NIT1: variants seen among roughly 807,000 people sequenced by gnomAD.
NIT1 encodes nitrilase 1, also known as deaminated glutathione amidase.
Under a neutral mutation model 36.8 loss-of-function variants are expected in NIT1, and 30 were observed. The observed-to-expected ratio is 0.82, with a 90% confidence interval of 0.61 to 1.11. The LOEUF is 1.11. Ranked by LOEUF, NIT1 falls within the 50% of genes least tolerant of loss-of-function variation. The pLI is 0.00. For synonymous variants in NIT1, 151 were observed against 155.6 expected (o/e 0.97, Z 0.22); for missense variants, 438 against 410.6 (o/e 1.07, Z -0.58).
chr1:161,124,751 CA>C (rs1459831334), downstream of NIT1: 1 of 406,576 alleles, frequency 2.5e-6, no homozygotes, highest in East Asian at 5.4e-5. Flanking sequence ...CACTTGAGCC[CA>C]GGCGTTTAAG....
downstream of NIT1, chr1:161,123,758 A>C (rs1655832675): frequency 1.6e-6 from 2 of 1,285,474 alleles, no homozygotes; most frequent in African/African-American, 1.5e-5. Context: ...CTTTCATTTA[A>C]GCTGGCAAAG....
chr1:161,119,853 G>A lies in NIT1; in HGVS notation c.492G>A (p.Leu164=). The A allele has an allele frequency of 6.2e-7, 1 of 1,611,952 alleles. No homozygotes were observed. The highest frequency in any genetic ancestry group is 8.5e-7 in the Non-Finnish European group (1 of 1,179,098). Residue 164 remains leucine, a synonymous_variant, in exon 5 of 7, where the codon CTG becomes CTA. Transcript: ENST00000368009. The part of the protein sequence containing the change: ...AVVATYRKTH[L]CDVEIPGQGP... ...TGGCCACTTACAGGAAGACACATCTGTGTGACGTAGAGATTCCAGGGCAGG... is the reference window on the plus strand; with the variant it reads ...TGGCCACTTACAGGAAGACACATCTATGTGACGTAGAGATTCCAGGGCAGG...
rs746101682 is a variant in NIT1 at position 161,119,168 on chromosome 1, G to A, written c.133G>A (p.Glu45Lys). ...RAMAISSSSC[E>K]LPLVAVCQVT... is the part of the protein sequence containing the mutation. ...CATGGCTATCTCCTCTTCCTCCTGC[G>A]AACTGCCCCTGGTGGCTGTGTGCCA... Residue 45 changes from glutamate to lysine, a missense_variant, in exon 3 of 7, where the codon GAA (glutamate) becomes AAA (lysine). Coordinates refer to ENST00000368009, the MANE Select transcript of NIT1 (RefSeq NM_005600.3). The A allele has an allele frequency of 4.3e-6, 7 of 1,613,998 alleles. No homozygotes were observed. The East Asian group carries it at 1.1e-4, about 26-fold the overall frequency.
chr1:161,118,193 C>G lies in NIT1; in HGVS notation c.2+15C>G, dbSNP rs765488354. On this transcript the variant is annotated intron_variant, in intron 1 of 6. Coordinates refer to ENST00000368009, the MANE Select transcript of NIT1 (RefSeq NM_005600.3). Reference sequence around the variant, plus strand: ...TATATCTTCATGTAGGACCTACTCCCTATCCCGTCGGCCGCGGTGAATCCC... The same window carrying G: ...TATATCTTCATGTAGGACCTACTCCGTATCCCGTCGGCCGCGGTGAATCCC... 6.2e-7 allele frequency: 1 copy of G among 1,614,062 alleles called. No individual in the cohort carries two copies. The highest frequency in any genetic ancestry group is 8.5e-7 in the Non-Finnish European group (1 of 1,179,944).
intron 4 of NIT1, 92 bp downstream of exon 4, chr1:161,119,704 A>T (rs1655227306): frequency 1.3e-6 from 2 of 1,586,682 alleles, no homozygotes; most frequent in African/African-American, 2.7e-5. Context: ...TCCTTGACCC[A>T]AGGATTTAGG....
At chr1:161,123,183 C>T (rs755497175), downstream of NIT1, 1 of 1,614,150 alleles carries the variant, frequency 6.2e-7, no homozygotes, top group South Asian at 1.1e-5. Context: ...ATCTGAGGAC[C>T]CGAAGTGGGG....
intron 4 of NIT1, 95 bp from the exon 5 acceptor site, chr1:161,119,724 A>T: frequency 6.3e-7 from 1 of 1,581,336 alleles, no homozygotes. Context: ...GGGTGGTCCT[A>T]CTTCAGTTCC....
chr1:161,118,938 T>G, intron 2 of NIT1, 57 bp downstream of exon 2: 1 of 1,430,772 alleles, frequency 7.0e-7, no homozygotes, highest in Non-Finnish European at 9.9e-7. Flanking sequence ...GTTTGTTAAA[T>G]GGATAGTGGG....
At chr1:161,122,671 A>T, downstream of NIT1, 3 of 1,111,044 alleles carry the variant, frequency 2.7e-6, no homozygotes, top group South Asian at 4.9e-5. This position sits in a 1 kb window ranked among gnomAD's most constrained non-coding sequence, Gnocchi z 4.2. Context: ...GACTATTTCT[A>T]TGTATCTCTG....
At position 161,120,635 on chromosome 1, in the gene NIT1, G is replaced by C; in HGVS notation, c.854G>C (p.Cys285Ser). The C allele has an allele frequency of 6.2e-7, 1 of 1,614,180 alleles. No homozygotes were observed. The highest frequency in any genetic ancestry group is 8.5e-7 in the Non-Finnish European group (1 of 1,180,030). ...VDPWGTVVAR[C>S]SEGPGLCLAR... ...CCCTGGGGAACAGTGGTGGCCCGCT[G>C]CTCTGAGGGGCCAGGCCTCTGCCTT... Residue 285 changes from cysteine to serine, a missense_variant, in exon 7 of 7, where the codon TGC becomes TCC. Coordinates refer to ENST00000368009, the MANE Select transcript of NIT1 (RefSeq NM_005600.3).
intron 1 of NIT1, chr1:161,118,431 G>A (rs1239286737): frequency 6.5e-7 from 1 of 1,535,730 alleles, no homozygotes; most frequent in East Asian, 2.4e-5. Flanking sequence ...TATGCTTCGA[G>A]TCAGTAAAGC....
At chr1:161,122,650 C>T (rs2101736191), downstream of NIT1, 2 of 1,210,756 alleles carry the variant, frequency 1.7e-6, no homozygotes, top group Non-Finnish European at 2.3e-6. This position sits in a 1 kb window ranked among gnomAD's most constrained non-coding sequence, Gnocchi z 4.2. Context: ...GCTTCTCTAC[C>T]TCTTCCCCAG....
intron 1 of NIT1, 158 bp from the exon 2 acceptor site, chr1:161,118,628 C>T (rs1655080935): frequency 3.3e-6 from 5 of 1,526,238 alleles, no homozygotes; most frequent in Non-Finnish European, 4.4e-6. Context: ...ATGGTCTTGT[C>T]CCTTAGCCTA....
chr1:161,123,707 ATT>A (rs112931699), downstream of NIT1: 407 of 628,644 alleles, frequency 6.5e-4, no homozygotes, highest in Middle Eastern at 1.5e-3. Context: ...ACCTCGCCTG[ATT>A]TTTTTTTTTT....
downstream of NIT1, chr1:161,122,630 T>C (rs1655635220): frequency 7.3e-7 from 1 of 1,378,970 alleles, no homozygotes; most frequent in East Asian, 2.3e-5. This position sits in a 1 kb window ranked among gnomAD's most constrained non-coding sequence, Gnocchi z 4.2. Context: ...GTAGGGAATA[T>C]CACCTGACAG....
At chr1:161,123,333 A>G (rs113025581), downstream of NIT1, 3 of 1,095,558 alleles carry the variant, frequency 2.7e-6, no homozygotes, top group Non-Finnish European at 1.3e-6. Context: ...AGCAGTGGAA[A>G]AATGTGACTT....
intron 1 of NIT1, chr1:161,118,495 G>A (rs1434988638): frequency 2.0e-6 from 3 of 1,536,052 alleles, no homozygotes; most frequent in African/African-American, 2.7e-5. Flanking sequence ...GATAGTTCCC[G>A]GAGATGACTT....
downstream of NIT1, chr1:161,124,110 C>G (rs762845334): frequency 9.4e-6 from 15 of 1,596,844 alleles, no homozygotes; most frequent in East Asian, 3.4e-4. Context: ...CAACTCTTCC[C>G]TGATTCCAGC....
downstream of NIT1, chr1:161,123,221 A>G (rs1425158102): frequency 6.2e-7 from 1 of 1,612,330 alleles, no homozygotes; most frequent in Admixed American, 1.7e-5. Context: ...GTGGGGAGGC[A>G]CTGACCAGAA....
Sources: gnomAD v4.1 joint callset for allele counts on GRCh38, gnomAD v4.1.1 for gene constraint, Gnocchi (gnomAD v3.1) non-coding constraint, MANE v1.5 for transcripts, NCBI Gene and HGNC (gene_info 2026-07-23, HGNC 2026-07-21) for gene names.